ZNF813: variants seen among roughly 807,000 people sequenced by gnomAD.
ZNF813 encodes zinc finger protein 813.
A neutral mutation model predicts 7.2 loss-of-function variants in ZNF813; 3 were observed. The observed-to-expected ratio is 0.42, with a 90% CI of 0.19 to 1.08. The LOEUF (loss-of-function observed/expected upper bound fraction) is 1.08. Among genes scored for constraint, ZNF813 ranks in the 50% least tolerant of loss-of-function variants. ZNF813 has a pLI of 0.30. For synonymous variants in ZNF813, 227 were observed against 256.3 expected, an observed-to-expected ratio of 0.89 and a Z score of 1.09; for missense variants, 714 against 753.3, an observed-to-expected ratio of 0.95 and a Z score of 0.61.
At position 53,479,341 on chromosome 19, in the gene ZNF813, G is replaced by T; in HGVS notation, c.-73-4409G>T. 4 of 1,590,310 alleles carry T rather than the reference G, an allele frequency of 2.5e-6. No homozygotes were observed. In the South Asian group the frequency reaches 3.3e-5, roughly 13 times the overall value. ...GAACCGGAGTGTGAGCAGTAGCTGG[G>T]TGGGCACCATGGCTGGGATCACCAC... On this transcript the variant is annotated intron_variant, in intron 1 of 3. Transcript: ENST00000396403.
chr19:53,475,401 T>C (rs1440573402), intron 1 of ZNF813, among the ~76,000 whole-genome samples: 1 of 152,254 alleles, frequency 6.6e-6, no homozygotes, highest in African/African-American at 2.4e-5. Flanking sequence ...CTCTGAGGGG[T>C]CTGTCTGTAA....
At chr19:53,471,828 T>G (rs1201860996) in intron 1 of ZNF813, among the ~76,000 whole-genome samples, 10 of 104,500 alleles carry the variant, frequency 9.6e-5, no homozygotes, top group Non-Finnish European at 1.4e-4. Flanking sequence ...AAAAAAAAAG[T>G]GCTAGGTGCA....
chr19:53,485,402 A>ACAAATGTGTGTG (rs1256120535), intron 2 of ZNF813, among the ~76,000 whole-genome samples: 2 of 152,200 alleles, frequency 1.3e-5, no homozygotes, highest in Non-Finnish European at 2.9e-5. Flanking sequence ...ATACACACAC[A>ACAAATGTGTGTG]TATACATCTC....
chr19:53,469,251 T>C (rs976124784), intron 1 of ZNF813, among the ~76,000 whole-genome samples: 2 of 152,068 alleles, frequency 1.3e-5, no homozygotes, highest in African/African-American at 2.4e-5. Flanking sequence ...TTAGTACAGA[T>C]CAAAATGAAG....
In ZNF813 at chr19:53,492,198, C is replaced by A; in HGVS notation, c.*112C>A. ...TCCTTGTAATTCATAAGAATTCATA[C>A]TGGAGAGAAACAAGTGTAATGAACG... is the stretch of plus-strand genomic sequence containing the variant. On this transcript the variant is annotated 3_prime_UTR_variant, in exon 4 of 4. Transcript: ENST00000396403. The A allele has an allele frequency of 6.8e-7, 1 of 1,478,070 alleles. No individual in the cohort carries two copies. The highest frequency in any genetic ancestry group is 9.1e-7 in the Non-Finnish European group (1 of 1,094,614). 91.6% of individuals were successfully genotyped at this position (1,478,070 alleles called of 1,614,324 possible).
chr19:53,485,563 CAT>C lies in ZNF813; in HGVS notation c.16-1063_16-1062del, dbSNP rs760267381. On this transcript the variant is annotated intron_variant, in intron 2 of 3. Transcript: ENST00000396403. ...TTGTTGACATATATGTATGTCATGA[CAT>C]ATATACATGTATGTCATGACATATG... is the stretch of plus-strand genomic sequence containing the variant. 5.3e-3 allele frequency among the ~76,000 whole-genome samples: 636 copies of C among 120,610 alleles called. 4 individuals carry two copies. The highest frequency in any genetic ancestry group is 0.017 in the African/African-American group (584 of 33,468). The allele number at this position is 120,610 out of a possible 152,430, so 79.1% of individuals were successfully genotyped here.
At chr19:53,488,148 C>G (rs1176727333) in intron 3 of ZNF813, 1 of 409,056 alleles carries the variant, frequency 2.4e-6, no homozygotes, top group Non-Finnish European at 4.9e-6. Flanking sequence ...CCTCAATTTC[C>G]CGAGTAGCTG....
intron 1 of ZNF813, among the ~76,000 whole-genome samples, chr19:53,472,136 T>G (rs1313835822): frequency 6.6e-6 from 1 of 152,144 alleles, no homozygotes; most frequent in Non-Finnish European, 1.5e-5. Flanking sequence ...TGTGGAGACA[T>G]GTATGGGGTA....
intron 1 of ZNF813, among the ~76,000 whole-genome samples, chr19:53,474,561 T>A (rs1026172545): frequency 6.6e-6 from 1 of 152,052 alleles, no homozygotes; most frequent in South Asian, 2.1e-4. Flanking sequence ...TGATGGCAGG[T>A]GCCTGTAATA....
chr19:53,476,756 T>C (rs1395742928), intron 1 of ZNF813, among the ~76,000 whole-genome samples: 1 of 152,028 alleles, frequency 6.6e-6, no homozygotes, highest in Non-Finnish European at 1.5e-5. Context: ...TCCCGCCTCC[T>C]GGGTTCACAC....
intron 1 of ZNF813, among the ~76,000 whole-genome samples, chr19:53,475,765 G>A (rs1459052869): frequency 6.6e-6 from 1 of 152,228 alleles, no homozygotes; most frequent in African/African-American, 2.4e-5. Context: ...GTGCCACTGG[G>A]CGATGCCACG....
At chr19:53,486,558 TCTC>T in intron 2 of ZNF813, 71 bp from the exon 3 acceptor site, 1 of 1,611,422 alleles carries the variant, frequency 6.2e-7, no homozygotes, top group Non-Finnish European at 8.5e-7. Flanking sequence ...CTTTCCCCTC[TCTC>T]CTCTTCTCAT....
At position 53,492,209 on chromosome 19, in the gene ZNF813, C is replaced by G; in HGVS notation, c.*123C>G. On this transcript the variant is annotated 3_prime_UTR_variant, in exon 4 of 4. Coordinates refer to ENST00000396403, the MANE Select transcript of ZNF813 (RefSeq NM_001004301.4). ...CATAAGAATTCATACTGGAGAGAAA[C>G]AAGTGTAATGAACGTTGCAAAATTT... 6.9e-7 allele frequency: 1 copy of G among 1,455,836 alleles called. No individual in the cohort carries two copies. Among genetic ancestry groups the G allele is most frequent in the South Asian group, 1.3e-5 (1 of 74,810 alleles). The allele number at this position is 1,455,836 out of a possible 1,614,324, so 90.2% of individuals were successfully genotyped here. A position where few individuals can be genotyped will look rare whatever the true frequency, so the allele number is the denominator to read the frequency against.
At chr19:53,480,424 A>T (rs2086402827) in intron 1 of ZNF813, among the ~76,000 whole-genome samples, 1 of 151,342 alleles carries the variant, frequency 6.6e-6, no homozygotes, top group Admixed American at 6.6e-5. Context: ...TCCTATAATC[A>T]GCTCACATCA....
intron 1 of ZNF813, among the ~76,000 whole-genome samples, chr19:53,473,594 G>A (rs560194794): frequency 1.7e-4 from 26 of 152,250 alleles, no homozygotes; most frequent in African/African-American, 6.0e-4. Context: ...TTACAATATA[G>A]GGCCCATTCT....
At chr19:53,473,793 T>C (rs1436709556) in intron 1 of ZNF813, among the ~76,000 whole-genome samples, 1 of 152,204 alleles carries the variant, frequency 6.6e-6, no homozygotes, top group Non-Finnish European at 1.5e-5. Flanking sequence ...TGGAGATCAC[T>C]TTTAATTTGA....
Position 53,468,369 on chromosome 19 carries a change from T to G in ZNF813, c.-74+580T>G, listed in dbSNP as rs902322260. Among the ~76,000 whole-genome samples the G allele has an allele frequency of 6.6e-5, 10 of 152,158 alleles. 1 individual carries two copies. The highest frequency in any genetic ancestry group is 8.8e-5 in the Non-Finnish European group (6 of 68,038). On this transcript the variant is annotated intron_variant, in intron 1 of 3. Coordinates refer to ENST00000396403, the MANE Select transcript of ZNF813 (RefSeq NM_001004301.4). The stretch of plus-strand genomic sequence containing the variant: ...CCAGCCCTTCCACACCTGTGGGTAT[T>G]TCTCGTCAGGTGGGAAGAGAGACTG...
chr19:53,490,784 C>G lies in ZNF813; in HGVS notation c.552C>G (p.Pro184=), dbSNP rs777737027. The G allele has an allele frequency of 6.2e-7, 1 of 1,614,054 alleles. No individual in the cohort carries two copies. Among genetic ancestry groups the G allele is most frequent in the Non-Finnish European group, 8.5e-7 (1 of 1,180,042 alleles). ...CATCCCAAAGAATTTCTTGTAGGCCCAAAACCCATATTTCTAATAACTATG... is the reference window on the plus strand; with the variant it reads ...CATCCCAAAGAATTTCTTGTAGGCCGAAAACCCATATTTCTAATAACTATG... ...ISTSQRISCR[P]KTHISNNYGN... The change falls in exon 4 of 4, where the codon CCC becomes CCG. Residue 184 remains proline (P), a synonymous_variant. Coordinates refer to ENST00000396403, the MANE Select transcript of ZNF813 (RefSeq NM_001004301.4).
intron 1 of ZNF813, among the ~76,000 whole-genome samples, chr19:53,482,718 T>TTTTG (rs1568830719): frequency 7.7e-6 from 1 of 129,278 alleles, no homozygotes; most frequent in Non-Finnish European, 1.6e-5. Context: ...TTTTGTTTTT[T>TTTTG]TTTTTTTTTT....
Sources: gnomAD v4.1 joint callset for allele counts (sites outside exome capture counted in the v4.1 genomes callset) on GRCh38, gnomAD v4.1.1 for gene constraint, MANE v1.5 for transcripts, NCBI Gene and HGNC (gene_info 2026-07-23, HGNC 2026-07-21) for gene names.